CHD6: variants seen among roughly 807,000 people sequenced by gnomAD.
CHD6 encodes ATP-dependent chromatin remodeler CHD6.
A neutral mutation model predicts 276.9 loss-of-function variants in CHD6; 50 were observed. The observed-to-expected ratio is 0.18, with a 90% CI of 0.14 to 0.23. CHD6 has a LOEUF of 0.23. Ranked by LOEUF, CHD6 falls within the 10% of genes least tolerant of loss-of-function variation. CHD6 has a pLI of 1.00. For synonymous variants in CHD6, 1,173 were observed against 1,229.3 expected (o/e 0.95, Z 0.96); for missense variants, 2,564 against 3,365.8 (o/e 0.76, Z 5.89).
intron 16 of CHD6, among the ~76,000 whole-genome samples, chr20:41,477,872 C>T (rs571247456): frequency 9.5e-4 from 144 of 152,288 alleles, no homozygotes; most frequent in African/African-American, 3.2e-3. Context: ...GCCTCTAGAT[C>T]ACCTACCCCA....
intron 1 of CHD6, among the ~76,000 whole-genome samples, chr20:41,606,777 C>T (rs183683071): frequency 1.1e-4 from 17 of 152,170 alleles, no homozygotes; most frequent in African/African-American, 3.6e-4. Flanking sequence ...AACTCAGATA[C>T]GCACTGGAAT....
intron 1 of CHD6, among the ~76,000 whole-genome samples, chr20:41,555,150 C>T (rs1451688204): frequency 7.3e-6 from 1 of 137,134 alleles, no homozygotes; most frequent in Non-Finnish European, 1.5e-5. Context: ...GCTGGCCGGG[C>T]AGAGGGGCTC....
intron 2 of CHD6, chr20:41,547,719 C>T (rs1801872396): frequency 8.3e-6 from 5 of 605,316 alleles, no homozygotes; most frequent in Admixed American, 7.6e-5. Flanking sequence ...AAACATTAAA[C>T]ACAGTGGAAT....
intron 17 of CHD6, among the ~76,000 whole-genome samples, chr20:41,468,076 T>C (rs987773492): frequency 1.3e-5 from 2 of 152,092 alleles, no homozygotes; most frequent in Non-Finnish European, 2.9e-5. Flanking sequence ...TAGACCACTC[T>C]TTCTAAATCA....
At chr20:41,575,203 T>G (rs764906387) in intron 1 of CHD6, among the ~76,000 whole-genome samples, 2 of 152,236 alleles carry the variant, frequency 1.3e-5, no homozygotes, top group Non-Finnish European at 2.9e-5. Flanking sequence ...ATGCTCAGCC[T>G]GCTTCCACCC....
At chr20:41,451,621 C>CA (rs2048242978) in intron 22 of CHD6, among the ~76,000 whole-genome samples, 1 of 152,162 alleles carries the variant, frequency 6.6e-6, no homozygotes, top group South Asian at 2.1e-4. Context: ...TAAGAGGGTC[C>CA]AGTTGTACTT....
chr20:41,478,152 A>C (rs1045679676), intron 16 of CHD6, among the ~76,000 whole-genome samples: 31 of 152,180 alleles, frequency 2.0e-4, no homozygotes, highest in African/African-American at 6.3e-4. Flanking sequence ...CAGTGCTCCC[A>C]TATGGAAAGT....
In CHD6 at chr20:41,403,160, CTG is replaced by C; in HGVS notation, c.*1431_*1432del. The C allele has an allele frequency of 1.5e-6, 1 of 649,328 alleles. No individual in the cohort carries two copies. The highest frequency in any genetic ancestry group is 1.9e-5 in the African/African-American group (1 of 52,576). The allele number at this position is 649,328 out of a possible 1,614,324, so 40.2% of individuals were successfully genotyped here. A position where few individuals can be genotyped will look rare whatever the true frequency, so the allele number is the denominator to read the frequency against. On this transcript the variant is annotated 3_prime_UTR_variant, in exon 37 of 37. Transcript: ENST00000373233. ...TGGACCTTCTGATAAATTAGCAAAACTGTAACAGAAAAAGTAAAAAATACAGT... is the reference window on the plus strand; with the variant it reads ...TGGACCTTCTGATAAATTAGCAAAACTAACAGAAAAAGTAAAAAATACAGT...
chr20:41,544,003 G>A (rs1275682374), intron 2 of CHD6, among the ~76,000 whole-genome samples: 3 of 152,104 alleles, frequency 2.0e-5, no homozygotes, highest in Non-Finnish European at 2.9e-5. Flanking sequence ...ACTTTGGGAG[G>A]CCAAGACATG....
intron 5 of CHD6, among the ~76,000 whole-genome samples, chr20:41,501,503 T>C (rs929654154): frequency 6.6e-6 from 1 of 152,208 alleles, no homozygotes; most frequent in Admixed American, 6.5e-5. Flanking sequence ...CAGTATGTAG[T>C]TCATTCTTTT....
chr20:41,495,251 C>A (rs1295993347), intron 8 of CHD6, among the ~76,000 whole-genome samples: 6 of 152,108 alleles, frequency 3.9e-5, no homozygotes, highest in African/African-American at 1.4e-4. Context: ...GGTGTATATA[C>A]CTAGACAATA....
intron 1 of CHD6, among the ~76,000 whole-genome samples, chr20:41,590,743 C>T (rs540033418): frequency 6.6e-6 from 1 of 152,166 alleles, no homozygotes; most frequent in East Asian, 1.9e-4. Context: ...GAAATAGGAA[C>T]ACTTTTACAC....
chr20:41,565,157 C>T (rs557395424), intron 1 of CHD6, among the ~76,000 whole-genome samples: 14 of 150,812 alleles, frequency 9.3e-5, no homozygotes, highest in Middle Eastern at 6.8e-3. Flanking sequence ...AGTGCAGTGG[C>T]GCGATCTCAG....
rs573400036 is a variant in CHD6 at position 41,452,380 on chromosome 20, C to G, written c.3324-355G>C. 6.6e-6 allele frequency among the ~76,000 whole-genome samples: 1 copy of G among 152,342 alleles called. No homozygotes were observed. Among genetic ancestry groups the G allele is most frequent in the Non-Finnish European group, 1.5e-5 (1 of 68,036 alleles). On this transcript the variant is annotated intron_variant, in intron 21 of 36. Transcript: ENST00000373233. This position sits in a 1 kb window ranked among gnomAD's most constrained non-coding sequence, Gnocchi z 4.2. Reference sequence around the variant, plus strand: ...TGGCAGCTGAACCTTTGATTTCTACCAGAGCCAAAGCCCTGCACGAATCAT... The same window carrying G: ...TGGCAGCTGAACCTTTGATTTCTACGAGAGCCAAAGCCCTGCACGAATCAT...
intron 27 of CHD6, among the ~76,000 whole-genome samples, chr20:41,431,776 C>T (rs1600842434): frequency 6.4e-4 from 67 of 104,722 alleles, no homozygotes; most frequent in South Asian, 9.3e-4. Context: ...AAAAAACATG[C>T]TTTTTTTTTT....
intron 31 of CHD6, among the ~76,000 whole-genome samples, chr20:41,419,646 A>C (rs1249057221): frequency 6.6e-6 from 1 of 150,960 alleles, no homozygotes; most frequent in East Asian, 1.9e-4. Context: ...CTTTAACATA[A>C]AATCAGTGCT....
rs1185661304 is a variant in CHD6, at chr20:41,405,122, G to A, written c.7619C>T (p.Pro2540Leu). ...GGAAGTGCAGGTGGTTGCCATGGGT[G>A]GACTGAGGAGTCCCCCAACACCAAA... ...QMFGVGGLLS[P>L]PMATTCTSTA... Residue 2540 changes from proline (P) to leucine (L), a missense_variant, in exon 37 of 37, where the codon CCA becomes CTA. Physicochemically the swap from Pro to Leu is moderately conservative, Grantham distance 98. Around this residue, in one of 7 missense-constraint regions of CHD6, gnomAD observed 238 missense variants for 266.0 expected, o/e 0.89. Coordinates refer to ENST00000373233, the MANE Select transcript of CHD6 (RefSeq NM_032221.5). 2 of 1,614,100 alleles carry A rather than the reference G, an allele frequency of 1.2e-6. No individual in the cohort carries two copies. Among genetic ancestry groups the A allele is most frequent in the African/African-American group, 1.3e-5 (1 of 74,940 alleles).
chr20:41,442,017 C>CT (rs1353732559), intron 25 of CHD6, among the ~76,000 whole-genome samples: 1 of 152,208 alleles, frequency 6.6e-6, no homozygotes, highest in Non-Finnish European at 1.5e-5. Flanking sequence ...CCACAGAAAT[C>CT]TTTTTGCTGC....
intron 25 of CHD6, among the ~76,000 whole-genome samples, chr20:41,445,001 A>C (rs1411749850): frequency 3.3e-5 from 5 of 152,220 alleles, no homozygotes; most frequent in Non-Finnish European, 7.3e-5. Flanking sequence ...ACTATGGGTG[A>C]CTATCACTTG....
Sources: gnomAD v4.1 joint callset for allele counts (sites outside exome capture counted in the v4.1 genomes callset) on GRCh38, gnomAD v4.1.1 for gene constraint, gnomAD v4.1.1 regional missense constraint, Gnocchi (gnomAD v3.1) non-coding constraint, MANE v1.5 for transcripts, NCBI Gene and HGNC (gene_info 2026-07-23, HGNC 2026-07-21) for gene names.